The following CAST variants were observed in gnomAD, a reference collection of about 807,000 sequenced individuals.
The protein encoded by CAST is MIR583 host.
CAST carries 76 observed loss-of-function variants against 119.6 expected under a neutral mutation model. The ratio of observed to expected loss-of-function variants is 0.64; its 90% CI spans 0.53 to 0.77. The LOEUF is 0.77. CAST is among the 30% of genes least tolerant of loss of function. CAST has a pLI of 0.00. For missense variants in CAST, 953 were observed against 946.5 expected, an observed-to-expected ratio of 1.01 and a Z score of -0.09; for synonymous variants, 319 against 331.6, an observed-to-expected ratio of 0.96 and a Z score of 0.41.
the CAST span, among the ~76,000 whole-genome samples, chr5:96,154,724 G>A: frequency 6.6e-6 from 1 of 152,304 alleles, no homozygotes; most frequent in Admixed American, 6.5e-5. Context: ...TCCAGTACCT[G>A]TAGAATGCAC....
At chr5:96,695,237 G>A (rs1753143244) in intron 2 of CAST, among the ~76,000 whole-genome samples, 1 of 152,074 alleles carries the variant, frequency 6.6e-6, no homozygotes, top group Non-Finnish European at 1.5e-5. Context: ...AACACTTAGA[G>A]TACTTAGAAT....
At chr5:96,672,490 T>A (rs959912403) in intron 1 of CAST, among the ~76,000 whole-genome samples, 1 of 152,102 alleles carries the variant, frequency 6.6e-6, no homozygotes, top group Non-Finnish European at 1.5e-5. Context: ...GTGGATCAAC[T>A]GATGTCAGGA....
the CAST span, among the ~76,000 whole-genome samples, chr5:96,258,299 G>T: frequency 6.6e-6 from 1 of 152,118 alleles, no homozygotes; most frequent in Non-Finnish European, 1.5e-5. Context: ...TCAGAGGCAG[G>T]TCTAAGCTAT....
chr5:96,592,167 C>T (rs897652301), intron 1 of CAST, among the ~76,000 whole-genome samples: 24 of 152,180 alleles, frequency 1.6e-4, no homozygotes, highest in East Asian at 1.9e-4. Flanking sequence ...GAGGCTGAGG[C>T]GGGCGGATCA....
chr5:96,722,037 T>G (rs1214175934), intron 3 of CAST, among the ~76,000 whole-genome samples: 1 of 152,262 alleles, frequency 6.6e-6, no homozygotes, highest in African/African-American at 2.4e-5. Context: ...ACGGGAGTTT[T>G]GTCCTTCTAT....
chr5:96,402,257 A>G, the CAST span, among the ~76,000 whole-genome samples: 2 of 152,200 alleles, frequency 1.3e-5, no homozygotes, highest in South Asian at 2.1e-4. Flanking sequence ...CAAAGGTCTT[A>G]CCTGGCACGA....
the CAST span, among the ~76,000 whole-genome samples, chr5:96,270,432 G>A: frequency 6.6e-6 from 1 of 152,022 alleles, no homozygotes; most frequent in African/African-American, 2.4e-5. Flanking sequence ...CATCCAAATT[G>A]GAAAGGAAGA....
chr5:96,290,224 G>A, the CAST span, among the ~76,000 whole-genome samples: 1 of 152,030 alleles, frequency 6.6e-6, no homozygotes, highest in East Asian at 1.9e-4. Flanking sequence ...AAGGATTTAG[G>A]GGCTTATAGA....
At chr5:96,007,432 A>G in the CAST span, among the ~76,000 whole-genome samples, 1 of 152,228 alleles carries the variant, frequency 6.6e-6, no homozygotes, top group Non-Finnish European at 1.5e-5. Context: ...GAATTTAGTT[A>G]TAACTCTTTT....
the CAST span, among the ~76,000 whole-genome samples, chr5:96,069,907 T>C: frequency 6.6e-6 from 1 of 152,036 alleles, no homozygotes; most frequent in Admixed American, 6.6e-5. Flanking sequence ...ATCTCAGCAC[T>C]TTGGGTGGGC....
chr5:96,680,354 C>CAAAA (rs71617135), intron 2 of CAST, among the ~76,000 whole-genome samples: 15 of 29,166 alleles, frequency 5.1e-4, no homozygotes, highest in African/African-American at 1.4e-3. Flanking sequence ...GACTCTGTCT[C>CAAAA]AAAAAAAAAA....
the CAST span, among the ~76,000 whole-genome samples, chr5:96,175,889 C>G: frequency 6.6e-6 from 1 of 152,150 alleles, no homozygotes; most frequent in Non-Finnish European, 1.5e-5. Context: ...AGAGTTAATT[C>G]CTTTATGAGG....
the CAST span, among the ~76,000 whole-genome samples, chr5:96,492,494 A>G: frequency 4.6e-5 from 7 of 152,170 alleles, no homozygotes; most frequent in Non-Finnish European, 1.0e-4. Context: ...TCTATTTAGT[A>G]TGTTAGCCCC....
At chr5:96,494,448 A>G in the CAST span, among the ~76,000 whole-genome samples, 2 of 152,234 alleles carry the variant, frequency 1.3e-5, no homozygotes, top group African/African-American at 4.8e-5. Context: ...GACACTGAGG[A>G]ACACCATTGG....
chr5:96,316,026 C>T, the CAST span, among the ~76,000 whole-genome samples: 1 of 152,150 alleles, frequency 6.6e-6, no homozygotes, highest in Non-Finnish European at 1.5e-5. Context: ...AAACAAAACC[C>T]ACCCAGCTGA....
chr5:96,017,440 T>C, the CAST span, among the ~76,000 whole-genome samples: 1 of 152,226 alleles, frequency 6.6e-6, no homozygotes, highest in African/African-American at 2.4e-5. Context: ...TCAAAATAAA[T>C]ACTCCACTAA....
the CAST span, among the ~76,000 whole-genome samples, chr5:95,967,431 A>AATAC: frequency 0.03 from 4,606 of 151,670 alleles, 115 homozygotes; most frequent in Admixed American, 0.074. Context: ...TAAATAAATA[A>AATAC]ATAAATAAAT....
chr5:96,529,501 A>G (rs1198942087), upstream of CAST, among the ~76,000 whole-genome samples: 1 of 152,192 alleles, frequency 6.6e-6, no homozygotes, highest in African/African-American at 2.4e-5. Flanking sequence ...AAGCAATACA[A>G]TGAGTTGTTA....
rs202002513 is a variant in CAST at position 96,742,679 on chromosome 5, G to A, written c.1123G>A (p.Glu375Lys). The A allele has an allele frequency of 3.3e-5, 54 of 1,613,698 alleles. No individual in the cohort carries two copies. The highest frequency in any genetic ancestry group is 3.3e-4 in the Middle Eastern group (2 of 6,062). ...GGATACAATGAGTGATCAAGCACTCGAGGCTCTGTCGGCTTCACTGGGCAC... is the reference window on the plus strand; with the variant it reads ...GGATACAATGAGTGATCAAGCACTCAAGGCTCTGTCGGCTTCACTGGGCAC... ...EKDTMSDQAL[E>K]ALSASLGTRQ... The change falls in exon 16 of 32, where the codon GAG (glutamate) becomes AAG (lysine). Residue 375 changes from glutamate to lysine, a missense_variant. By Grantham distance (56) the Glu-to-Lys change is moderately conservative. Transcript: ENST00000675179.
Sources: gnomAD v4.1 joint callset for allele counts (sites outside exome capture counted in the v4.1 genomes callset) on GRCh38, gnomAD v4.1.1 for gene constraint, MANE v1.5 for transcripts, NCBI Gene and HGNC (gene_info 2026-07-23, HGNC 2026-07-21) for gene names.